The following SIPA1L3 variants were observed in gnomAD, a reference collection of about 807,000 sequenced individuals.
SIPA1L3 encodes the protein signal-induced proliferation-associated 1-like protein 3.
A neutral mutation model predicts 150.1 loss-of-function variants in SIPA1L3; 59 were observed. The observed-to-expected ratio is 0.39, with a 90% CI of 0.32 to 0.49. The LOEUF is 0.49. Ranked by LOEUF, SIPA1L3 falls within the 20% of genes least tolerant of loss-of-function variation. SIPA1L3 has a pLI of 0.86. For missense variants in SIPA1L3, 2,211 were observed against 2,489.5 expected, an observed-to-expected ratio of 0.89 and a Z score of 2.38; for synonymous variants, 1,070 against 1,077.6, an observed-to-expected ratio of 0.99 and a Z score of 0.14.
chr19:37,995,272 C>T lies in SIPA1L3; in HGVS notation c.-378-33817C>T, dbSNP rs115414135. Reference sequence around the variant, plus strand: ...AGAGACAGGGGATGGCAGTGGCATCCGCTAGACAACCAAGTGTCTGCTGTG... The same window carrying T: ...AGAGACAGGGGATGGCAGTGGCATCTGCTAGACAACCAAGTGTCTGCTGTG... On this transcript the variant is annotated intron_variant, in intron 1 of 21. Transcript: ENST00000222345. Among the ~76,000 whole-genome samples, 240 of 152,224 alleles carry T rather than the reference C, an allele frequency of 1.6e-3. 6 individuals are homozygous for T. Among genetic ancestry groups the T allele is most frequent in the Admixed American group, 0.01 (155 of 15,286 alleles).
chr19:38,048,346 A>G (rs1279462369), intron 2 of SIPA1L3, among the ~76,000 whole-genome samples: 1 of 152,162 alleles, frequency 6.6e-6, no homozygotes, highest in African/African-American at 2.4e-5. Context: ...TCAGCCTCCA[A>G]AGGCCTCTGT....
chr19:37,922,196 C>A (rs1368751339), intron 1 of SIPA1L3, among the ~76,000 whole-genome samples: 1 of 151,908 alleles, frequency 6.6e-6, no homozygotes, highest in East Asian at 1.9e-4. Context: ...AGCAATTCTC[C>A]TGCCTCAGCC....
intron 8 of SIPA1L3, among the ~76,000 whole-genome samples, chr19:38,112,370 A>G (rs1184263528): frequency 6.6e-6 from 1 of 152,130 alleles, no homozygotes; most frequent in Non-Finnish European, 1.5e-5. Flanking sequence ...TCAGAGGTGG[A>G]GGGTTGAGCT....
At chr19:38,098,387 C>T (rs1320552000) in intron 4 of SIPA1L3, among the ~76,000 whole-genome samples, 4 of 144,606 alleles carry the variant, frequency 2.8e-5, no homozygotes, top group Non-Finnish European at 6.0e-5. Flanking sequence ...TGGAAAGGGG[C>T]TTTCATTTTT....
At chr19:38,065,927 T>TTATTTATC (rs2145789708) in intron 2 of SIPA1L3, among the ~76,000 whole-genome samples, 1 of 146,812 alleles carries the variant, frequency 6.8e-6, no homozygotes, top group South Asian at 2.1e-4. Context: ...ATTTATTTAT[T>TTATTTATC]TATTTATTTA....
In SIPA1L3 at chr19:38,047,905, G is replaced by A. The variant is rs763706454; in HGVS notation, c.-311+18749G>A. ...GTCAGCTGGGGATTAACCCCCTGCC[G>A]TCATCAGGAGAAATACAACATGGGA... is the stretch of plus-strand genomic sequence containing the variant. On this transcript the variant is annotated intron_variant, in intron 2 of 21. Transcript: ENST00000222345. This position sits in a 1 kb window ranked among gnomAD's most constrained non-coding sequence, Gnocchi z 4.7. Among the ~76,000 whole-genome samples the A allele has an allele frequency of 1.3e-5, 2 of 152,168 alleles. No homozygotes were observed. The highest frequency in any genetic ancestry group is 2.1e-4 in the South Asian group (1 of 4,832).
intron 16 of SIPA1L3, among the ~76,000 whole-genome samples, chr19:38,186,596 C>T (rs1304863913): frequency 6.6e-6 from 1 of 151,240 alleles, no homozygotes; most frequent in East Asian, 2.0e-4. Context: ...TCAGGCAATC[C>T]GCCCCCCCTT....
At chr19:38,104,568 G>GT (rs1192972081) in intron 6 of SIPA1L3, among the ~76,000 whole-genome samples, 1 of 151,858 alleles carries the variant, frequency 6.6e-6, no homozygotes, top group Non-Finnish European at 1.5e-5. Context: ...GTTAGTATTG[G>GT]TTTTTTTGTT....
At chr19:38,149,844 T>G (rs1480484686) in intron 12 of SIPA1L3, among the ~76,000 whole-genome samples, 3 of 152,222 alleles carry the variant, frequency 2.0e-5, no homozygotes, top group Non-Finnish European at 4.4e-5. Flanking sequence ...GTTGGGATTC[T>G]GTTACCAAGG....
chr19:38,205,001 T>C (rs921894669), intron 21 of SIPA1L3, among the ~76,000 whole-genome samples: 2 of 152,214 alleles, frequency 1.3e-5, no homozygotes, highest in Non-Finnish European at 2.9e-5. Flanking sequence ...ATATATTTAC[T>C]AACACGCAAA....
At chr19:38,119,265 T>C in intron 8 of SIPA1L3, 41 bp from the exon 9 acceptor site, 2 of 1,538,970 alleles carry the variant, frequency 1.3e-6, no homozygotes, top group Admixed American at 1.8e-5. Context: ...AGTGTCTTAG[T>C]GCCTTTCTTC....
At chr19:37,987,315 G>C (rs941652456) in intron 1 of SIPA1L3, among the ~76,000 whole-genome samples, 3 of 152,160 alleles carry the variant, frequency 2.0e-5, no homozygotes, top group Non-Finnish European at 4.4e-5. Flanking sequence ...CTAGAAGTCT[G>C]CTTTTCAGAT....
intron 1 of SIPA1L3, among the ~76,000 whole-genome samples, chr19:37,968,371 C>A (rs551270404): frequency 6.6e-6 from 1 of 152,078 alleles, no homozygotes; most frequent in Admixed American, 6.6e-5. Context: ...CGCGCCCGGC[C>A]GGCCTCATCT....
chr19:38,101,644 C>G (rs1244342969), intron 6 of SIPA1L3, among the ~76,000 whole-genome samples: 1 of 152,200 alleles, frequency 6.6e-6, no homozygotes, highest in South Asian at 2.1e-4. Flanking sequence ...CTCCTGACCT[C>G]AAGTGATCCA....
chr19:37,913,013 C>T (rs2046388915), intron 1 of SIPA1L3, among the ~76,000 whole-genome samples: 1 of 152,152 alleles, frequency 6.6e-6, no homozygotes, highest in Admixed American at 6.6e-5. Flanking sequence ...TATCACTCCT[C>T]ATATTTGCGA....
chr19:38,090,715 C>G (rs555803667), intron 4 of SIPA1L3, among the ~76,000 whole-genome samples: 85 of 152,356 alleles, frequency 5.6e-4, no homozygotes, highest in African/African-American at 1.9e-3. Context: ...TGGCCTTTGC[C>G]CAGACATGGA....
intron 1 of SIPA1L3, among the ~76,000 whole-genome samples, chr19:37,979,406 A>C (rs1197584154): frequency 3.3e-5 from 5 of 151,680 alleles, no homozygotes; most frequent in Non-Finnish European, 5.9e-5. Flanking sequence ...AAAATACAAA[A>C]ATTAGCTGGG....
At chr19:38,114,679 C>T (rs1442078356) in intron 8 of SIPA1L3, among the ~76,000 whole-genome samples, 1 of 152,210 alleles carries the variant, frequency 6.6e-6, no homozygotes, top group African/African-American at 2.4e-5. Context: ...TTGGTAGAAA[C>T]CTGTTTCGTC....
At chr19:38,112,148 GGCACATGCATCCACACACAT>G (rs912416923) in intron 8 of SIPA1L3, among the ~76,000 whole-genome samples, 2 of 145,432 alleles carry the variant, frequency 1.4e-5, no homozygotes, top group African/African-American at 5.2e-5. Context: ...CCTGCACACA[GGCACATGCATCCACACACAT>G]GCACATGCAC....
Sources: gnomAD v4.1 joint callset for allele counts (sites outside exome capture counted in the v4.1 genomes callset) on GRCh38, gnomAD v4.1.1 for gene constraint, Gnocchi (gnomAD v3.1) non-coding constraint, MANE v1.5 for transcripts, NCBI Gene and HGNC (gene_info 2026-07-23, HGNC 2026-07-21) for gene names.